The following PRKAG2 variants were observed in gnomAD, a reference collection of about 807,000 sequenced individuals.
PRKAG2 encodes protein kinase AMP-activated non-catalytic subunit gamma 2, also known as 5'-AMP-activated protein kinase subunit gamma-2.
A neutral mutation model predicts 69.6 loss-of-function variants in PRKAG2; 26 were observed. The observed-to-expected ratio is 0.37, with a 90% CI of 0.27 to 0.52. The LOEUF is 0.52. PRKAG2 is among the 20% of genes least tolerant of loss of function. The pLI, the probability that PRKAG2 is intolerant of heterozygous loss-of-function variation, is 0.90. For synonymous variants in PRKAG2, 293 were observed against 285.0 expected (o/e 1.03, Z -0.28); for missense variants, 557 against 740.0 (o/e 0.75, Z 2.87).
At chr7:151,830,047 G>A (rs1378377890) in intron 1 of PRKAG2, among the ~76,000 whole-genome samples, 1 of 151,570 alleles carries the variant, frequency 6.6e-6, no homozygotes, top group East Asian at 1.9e-4. Context: ...CAAGGTTATT[G>A]AGGATTTCAT....
At chr7:151,618,174 C>T (rs996276400) in intron 5 of PRKAG2, among the ~76,000 whole-genome samples, 104 of 152,136 alleles carry the variant, frequency 6.8e-4, no homozygotes, top group African/African-American at 2.4e-3. Flanking sequence ...AAAATAAGGT[C>T]GGGCGTGGTG....
At chr7:151,571,288 G>T (rs1438193201) in intron 9 of PRKAG2, among the ~76,000 whole-genome samples, 1 of 151,982 alleles carries the variant, frequency 6.6e-6, no homozygotes, top group African/African-American at 2.4e-5. Flanking sequence ...GGCTAGGCTG[G>T]TCTCGAACTC....
chr7:151,831,713 G>A (rs926545002), intron 1 of PRKAG2, among the ~76,000 whole-genome samples: 3 of 152,172 alleles, frequency 2.0e-5, no homozygotes, highest in East Asian at 1.9e-4. Flanking sequence ...CCTCCTCCAA[G>A]CTGGTCTCGG....
At chr7:151,685,726 G>C (rs914142070) in intron 3 of PRKAG2, among the ~76,000 whole-genome samples, 2 of 151,110 alleles carry the variant, frequency 1.3e-5, no homozygotes, top group African/African-American at 2.4e-5. Context: ...CCACAACTGC[G>C]CCGCTGGACT....
At chr7:151,655,603 A>G (rs1297525941) in intron 4 of PRKAG2, among the ~76,000 whole-genome samples, 4 of 152,172 alleles carry the variant, frequency 2.6e-5, no homozygotes, top group African/African-American at 9.7e-5. Flanking sequence ...CCAGAGCAAA[A>G]AGAAAATGAG....
At chr7:151,792,878 C>T (rs1289330043) in intron 1 of PRKAG2, among the ~76,000 whole-genome samples, 2 of 152,196 alleles carry the variant, frequency 1.3e-5, no homozygotes, top group Admixed American at 6.5e-5. Context: ...GGGCCCCTCC[C>T]GGCCATATTC....
intron 1 of PRKAG2, among the ~76,000 whole-genome samples, chr7:151,789,362 C>G (rs2077163742): frequency 6.6e-6 from 1 of 152,150 alleles, no homozygotes; most frequent in African/African-American, 2.4e-5. Flanking sequence ...GTTCTGTGCA[C>G]TTAACCTTTC....
chr7:151,792,085 G>T lies in PRKAG2; in HGVS notation c.115-5544C>A, dbSNP rs140762271. Among the ~76,000 whole-genome samples the T allele has an allele frequency of 2.0e-5, 3 of 152,314 alleles. No homozygotes were observed. In the East Asian group the frequency reaches 5.8e-4, roughly 29 times the overall value. On this transcript the variant is annotated intron_variant, in intron 1 of 15. Transcript: ENST00000287878. ...TTTACCACCTCCTTGGAGTGGTTCA[G>T]TTCCAGTAATAGAAAAACAATTTGG...
At chr7:151,676,108 T>C (rs1832902980) in intron 3 of PRKAG2, among the ~76,000 whole-genome samples, 2 of 152,210 alleles carry the variant, frequency 1.3e-5, no homozygotes, top group South Asian at 4.2e-4. Flanking sequence ...TCTCCTCTCC[T>C]TCTTTCCCCA....
At chr7:151,640,395 A>G (rs1401992654) in intron 4 of PRKAG2, among the ~76,000 whole-genome samples, 1 of 152,138 alleles carries the variant, frequency 6.6e-6, no homozygotes, top group East Asian at 1.9e-4. Context: ...TTTTCTTGGC[A>G]AACTCCTGAG....
intron 1 of PRKAG2, chr7:151,810,424 C>T (rs2078355907): frequency 1.3e-5 from 2 of 152,404 alleles, no homozygotes; most frequent in Admixed American, 6.5e-5. Flanking sequence ...AAAACCCTGC[C>T]CTAGGAGCCC....
chr7:151,854,899 C>A (rs1367981154), intron 1 of PRKAG2, among the ~76,000 whole-genome samples: 3 of 151,952 alleles, frequency 2.0e-5, no homozygotes, highest in African/African-American at 7.3e-5. Context: ...TACTCCAGGG[C>A]TGGAGCTGGG....
rs1256669216 is a variant in PRKAG2 at position 151,836,904 on chromosome 7, G to A, written c.114+39603C>T. 1.3e-5 allele frequency among the ~76,000 whole-genome samples: 2 copies of A among 152,132 alleles called. No homozygotes were observed. Among genetic ancestry groups the A allele is most frequent in the African/African-American group, 2.4e-5 (1 of 41,428 alleles). On this transcript the variant is annotated intron_variant, in intron 1 of 15. Coordinates refer to ENST00000287878, the MANE Select transcript of PRKAG2 (RefSeq NM_016203.4). This position sits in a 1 kb window ranked among gnomAD's most constrained non-coding sequence, Gnocchi z 4.1. The stretch of plus-strand genomic sequence containing the variant: ...GCAGAACAGAGTGAGCACTCCAGAC[G>A]CGAAAGGGCCCGGCCCAGCCAGCTT...
In PRKAG2 at chr7:151,784,479, A is replaced by G. The variant is rs560590650; in HGVS notation, c.186+1991T>C. Among the ~76,000 whole-genome samples, 25 of 152,310 alleles carry G rather than the reference A, an allele frequency of 1.6e-4. No homozygotes were observed. The South Asian group carries it at 1.7e-3, about 10-fold the overall frequency. ...GCCCGGAGCTGAAACCTGCCCCTTAACAGAGGCCCTGACCCAGAGGAGGCC... is the reference window on the plus strand; with the variant it reads ...GCCCGGAGCTGAAACCTGCCCCTTAGCAGAGGCCCTGACCCAGAGGAGGCC... On this transcript the variant is annotated intron_variant, in intron 2 of 15. Transcript: ENST00000287878.
Position 151,781,038 on chromosome 7 carries a change from G to A in PRKAG2, c.466+114C>T, listed in dbSNP as rs1226308067. ...GGGGAGAAACAGATACAGGCACTCA[G>A]CACCAAGCTGCTCACAGCCACCTGG... On this transcript the variant is annotated intron_variant, in intron 3 of 15. Coordinates refer to ENST00000287878, the MANE Select transcript of PRKAG2 (RefSeq NM_016203.4). This position sits in a 1 kb window ranked among gnomAD's most constrained non-coding sequence, Gnocchi z 6.1. 4 of 1,426,108 alleles carry A rather than the reference G, an allele frequency of 2.8e-6. No homozygotes were observed. The highest frequency in any genetic ancestry group is 3.9e-6 in the Non-Finnish European group (4 of 1,020,334). The allele number at this position is 1,426,108 out of a possible 1,614,324, so 88.3% of individuals were successfully genotyped here.
At chr7:151,823,616 T>G (rs1045508805) in intron 1 of PRKAG2, among the ~76,000 whole-genome samples, 3 of 151,912 alleles carry the variant, frequency 2.0e-5, no homozygotes, top group Non-Finnish European at 4.4e-5. Context: ...CATCTCTGAT[T>G]AAAATGTCAA....
intron 1 of PRKAG2, among the ~76,000 whole-genome samples, chr7:151,832,602 G>GGGA (rs2079063073): frequency 6.6e-6 from 1 of 151,432 alleles, no homozygotes; most frequent in Non-Finnish European, 1.5e-5. Flanking sequence ...CTCTGGGGGG[G>GGGA]GGGTCCCAGC....
Position 151,675,425 on chromosome 7 carries a change from T to C in PRKAG2, c.679A>G (p.Lys227Glu), listed in dbSNP as rs766460601. 1.9e-6 allele frequency: 3 copies of C among 1,613,814 alleles called. No individual in the cohort carries two copies. The highest frequency in any genetic ancestry group is 2.5e-6 in the Non-Finnish European group (3 of 1,179,784). The change falls in exon 4 of 16, where the codon AAA (lysine) becomes GAA (glutamate). Residue 227 changes from lysine to glutamate, a missense_variant. This residue lies in a region of PRKAG2 where 352 missense variants were observed against 356.7 expected (regional missense o/e 0.99). Transcript: ENST00000287878. ...ACAGAAGGGCCCAGACTTACGGCTT[T>C]GGAGGGAGCATAGTGTGTCGGTGAT... ...LASPTHYAPS[K>E]AAALAAALGP...
intron 3 of PRKAG2, among the ~76,000 whole-genome samples, chr7:151,722,474 G>A (rs1797267487): frequency 6.6e-6 from 1 of 152,228 alleles, no homozygotes; most frequent in African/African-American, 2.4e-5. Flanking sequence ...CCAGCGAAAG[G>A]ACTACCATCA....
Sources: allele counts gnomAD v4.1 joint callset (sites outside exome capture counted in the v4.1 genomes callset), GRCh38; gene constraint gnomAD v4.1.1; regional missense constraint gnomAD v4.1.1; non-coding constraint Gnocchi (gnomAD v3.1); transcripts MANE v1.5; gene names NCBI Gene and HGNC (gene_info 2026-07-23, HGNC 2026-07-21).